GRM7: variants seen among roughly 807,000 people sequenced by gnomAD.
GRM7 encodes the protein glutamate metabotropic receptor 7.
GRM7 carries 35 observed loss-of-function variants against 84.5 expected under a neutral mutation model. The ratio of observed to expected loss-of-function variants is 0.41; its 90% CI spans 0.32 to 0.55. GRM7 has a LOEUF of 0.55. GRM7 is among the 20% of genes least tolerant of loss of function. The pLI, the probability that GRM7 is intolerant of heterozygous loss-of-function variation, is 0.19. For missense variants in GRM7, 1,003 were observed against 1,194.6 expected, an observed-to-expected ratio of 0.84 and a Z score of 2.36; for synonymous variants, 487 against 455.1, an observed-to-expected ratio of 1.07 and a Z score of -0.89.
At chr3:7,281,926 A>G (rs896900460) in intron 2 of GRM7, among the ~76,000 whole-genome samples, 1 of 152,160 alleles carries the variant, frequency 6.6e-6, no homozygotes, top group Non-Finnish European at 1.5e-5. Context: ...ACTAAAATAC[A>G]GAAGAAATTA....
chr3:7,102,689 C>T lies in GRM7; in HGVS notation c.520-43763C>T, dbSNP rs116285014. 2.7e-3 allele frequency among the ~76,000 whole-genome samples: 407 copies of T among 151,836 alleles called. 2 individuals carry two copies. The highest frequency in any genetic ancestry group is 0.01 in the Middle Eastern group (3 of 294). ...CCGAAACTTCAATTACACACATACTCGACTGTTTTAGATTGTCCCACGGGT... is the reference window on the plus strand; with the variant it reads ...CCGAAACTTCAATTACACACATACTTGACTGTTTTAGATTGTCCCACGGGT... On this transcript the variant is annotated intron_variant, in intron 1 of 9. Transcript: ENST00000357716.
chr3:7,154,375 G>T (rs535816224), intron 2 of GRM7, among the ~76,000 whole-genome samples: 2 of 152,162 alleles, frequency 1.3e-5, no homozygotes, highest in African/African-American at 4.8e-5. Flanking sequence ...TTTGCCATGG[G>T]ACTAGAAATA....
At chr3:7,148,455 C>T (rs1694177072) in intron 2 of GRM7, among the ~76,000 whole-genome samples, 1 of 152,106 alleles carries the variant, frequency 6.6e-6, no homozygotes, top group Admixed American at 6.6e-5. Flanking sequence ...AAGAACACTG[C>T]CCATTCTGTT....
intron 1 of GRM7, among the ~76,000 whole-genome samples, chr3:7,119,918 T>C (rs570178397): frequency 6.8e-4 from 103 of 152,248 alleles, no homozygotes; most frequent in Non-Finnish European, 1.4e-3. Flanking sequence ...GTTTGCGTGG[T>C]ATTTGTCTTG....
chr3:7,594,758 A>G (rs1695957057), intron 8 of GRM7, among the ~76,000 whole-genome samples: 1 of 152,146 alleles, frequency 6.6e-6, no homozygotes, highest in South Asian at 2.1e-4. Flanking sequence ...GGGCCTCTGC[A>G]AAAGCATCTG....
intron 2 of GRM7, among the ~76,000 whole-genome samples, chr3:7,216,485 TA>T (rs1202572384): frequency 6.6e-6 from 1 of 152,230 alleles, no homozygotes; most frequent in African/African-American, 2.4e-5. Flanking sequence ...CTGAATATTT[TA>T]ATGGTGATTT....
chr3:7,665,266 G>T (rs913068928), intron 8 of GRM7, among the ~76,000 whole-genome samples: 2 of 151,190 alleles, frequency 1.3e-5, no homozygotes, highest in Non-Finnish European at 2.9e-5. Flanking sequence ...CCGCCTCCCG[G>T]GTTCACGCCA....
intron 1 of GRM7, among the ~76,000 whole-genome samples, chr3:7,096,110 G>A (rs1698851080): frequency 6.6e-6 from 1 of 152,052 alleles, no homozygotes; most frequent in African/African-American, 2.4e-5. Flanking sequence ...TCATGCCAGT[G>A]AAAATATTCT....
intron 7 of GRM7, among the ~76,000 whole-genome samples, chr3:7,503,455 A>G (rs1164321781): frequency 6.6e-6 from 1 of 152,100 alleles, no homozygotes; most frequent in African/African-American, 2.4e-5. Flanking sequence ...CAAATGCAAT[A>G]TATTTCAGTT....
intron 9 of GRM7, among the ~76,000 whole-genome samples, chr3:7,713,171 C>T (rs76153346): frequency 0.094 from 10,902 of 116,356 alleles, 606 homozygotes; most frequent in African/African-American, 0.18. Flanking sequence ...CTTGCTTTGT[C>T]ACCCAGGCTG....
chr3:6,883,534 C>G (rs1438435099), intron 1 of GRM7, among the ~76,000 whole-genome samples: 1 of 152,028 alleles, frequency 6.6e-6, no homozygotes, highest in South Asian at 2.1e-4. Context: ...ATTATAGCCT[C>G]TATGAAACTG....
chr3:7,537,460 C>A (rs1045159949), intron 7 of GRM7, among the ~76,000 whole-genome samples: 1 of 152,148 alleles, frequency 6.6e-6, no homozygotes, highest in African/African-American at 2.4e-5. Flanking sequence ...TCTACCATAG[C>A]AGATTCAAGG....
At position 6,884,927 on chromosome 3, in the gene GRM7, A is replaced by G. The variant is rs186221537; in HGVS notation, c.519+23020A>G. ...ACAGTTTTCTTCATGTGAGGTAGAA[A>G]TAACACATGCCTTTAAGGACTGCAG... On this transcript the variant is annotated intron_variant, in intron 1 of 9. Coordinates refer to ENST00000357716, the MANE Select transcript of GRM7 (RefSeq NM_000844.4). Among the ~76,000 whole-genome samples, 16 of 152,300 alleles carry G rather than the reference A, an allele frequency of 1.1e-4. No individual in the cohort carries two copies. In the East Asian group the frequency reaches 3.1e-3, roughly 29 times the overall value.
At chr3:7,677,181 G>C (rs2125137516) in intron 8 of GRM7, among the ~76,000 whole-genome samples, 1 of 143,442 alleles carries the variant, frequency 7.0e-6, no homozygotes, top group Non-Finnish European at 1.5e-5. Context: ...AGACTCGCTT[G>C]AACCCGTGAG....
At chr3:7,455,209 A>G (rs1697954324) in intron 6 of GRM7, among the ~76,000 whole-genome samples, 1 of 152,178 alleles carries the variant, frequency 6.6e-6, no homozygotes, top group Non-Finnish European at 1.5e-5. Context: ...AATACAAGAG[A>G]ATAGGCAGCA....
chr3:7,272,968 A>G (rs1023801890), intron 2 of GRM7, among the ~76,000 whole-genome samples: 11 of 151,870 alleles, frequency 7.2e-5, no homozygotes, highest in South Asian at 2.1e-4. Flanking sequence ...TATTTTTTTA[A>G]TACATGCATT....
intron 5 of GRM7, among the ~76,000 whole-genome samples, chr3:7,422,584 G>A (rs918407593): frequency 9.2e-5 from 14 of 152,030 alleles, no homozygotes; most frequent in African/African-American, 3.4e-4. Flanking sequence ...CAGGCTGGGC[G>A]AGGAGACTAA....
At chr3:7,225,171 A>G (rs1696942097) in intron 2 of GRM7, among the ~76,000 whole-genome samples, 1 of 151,944 alleles carries the variant, frequency 6.6e-6, no homozygotes, top group South Asian at 2.1e-4. Context: ...ATTCATATCT[A>G]TTCCTAGAAG....
intron 1 of GRM7, among the ~76,000 whole-genome samples, chr3:7,004,549 A>G (rs771693894): frequency 3.9e-5 from 6 of 152,180 alleles, no homozygotes; most frequent in Non-Finnish European, 5.9e-5. Context: ...GAAATATCTG[A>G]TCAAGACTTT....
Sources: gnomAD v4.1 joint callset for allele counts (sites outside exome capture counted in the v4.1 genomes callset) on GRCh38, gnomAD v4.1.1 for gene constraint, MANE v1.5 for transcripts, NCBI Gene and HGNC (gene_info 2026-07-23, HGNC 2026-07-21) for gene names.